Variants in LSM12 observed in about 807,000 individuals in gnomAD.
The protein encoded by LSM12 is protein LSM12.
For synonymous variants in LSM12, 74 were observed against 87.3 expected, an observed-to-expected ratio of 0.85 and a Z score of 0.85; for missense variants, 108 against 238.9, an observed-to-expected ratio of 0.45 and a Z score of 3.61.
intron 4 of LSM12, 103 bp downstream of exon 4, chr17:44,037,309 G>T: frequency 7.4e-7 from 1 of 1,348,604 alleles, no homozygotes; most frequent in South Asian, 1.6e-5. Flanking sequence ...TCTGCTGCTA[G>T]AGGAGGCAGA....
chr17:44,049,931 G>A (rs2049620498), intron 2 of LSM12, among the ~76,000 whole-genome samples: 1 of 152,138 alleles, frequency 6.6e-6, no homozygotes, highest in African/African-American at 2.4e-5. Flanking sequence ...CCCTCACAGA[G>A]GGCTTAGGAA....
At chr17:44,055,156 A>AT (rs1338305615) in intron 2 of LSM12, among the ~76,000 whole-genome samples, 2 of 151,942 alleles carry the variant, frequency 1.3e-5, no homozygotes, top group East Asian at 1.9e-4. Flanking sequence ...AGCCAGAAAC[A>AT]TTTTTTAACT....
intron 2 of LSM12, among the ~76,000 whole-genome samples, chr17:44,058,091 G>T (rs894126844): frequency 1.3e-5 from 2 of 151,778 alleles, no homozygotes; most frequent in African/African-American, 4.8e-5. Context: ...AAAAAAATTA[G>T]CTGGGCGTGG....
chr17:44,039,543 G>T (rs897759102), intron 3 of LSM12, among the ~76,000 whole-genome samples: 1 of 150,482 alleles, frequency 6.6e-6, no homozygotes, highest in Non-Finnish European at 1.5e-5. Flanking sequence ...CACCGCGCCC[G>T]GCTAATTTTT....
intron 3 of LSM12, 50 bp downstream of exon 3, chr17:44,040,097 A>AACC: frequency 7.1e-7 from 1 of 1,414,842 alleles, no homozygotes; most frequent in African/African-American, 1.4e-5. Flanking sequence ...CAGACAGCAC[A>AACC]ACCAGGTAGC....
rs975353470 is a variant in LSM12 at position 44,066,616 on chromosome 17, G to A, written c.-29C>T. ...GGGAGTGCAGCCGCGGCCGGCGGCG[G>A]CGGCGGCAGCAGCGGGCGAAAGCCG... On this transcript the variant is annotated 5_prime_UTR_variant, in exon 1 of 5. Transcript: ENST00000293406. 6 of 1,323,214 alleles carry A rather than the reference G, an allele frequency of 4.5e-6. No homozygotes were observed. The highest frequency in any genetic ancestry group is 5.8e-6 in the Non-Finnish European group (6 of 1,033,100). The allele number at this position is 1,323,214 out of a possible 1,614,324, so 82.0% of individuals were successfully genotyped here.
chr17:44,044,910 T>G (rs2049541132), intron 2 of LSM12, among the ~76,000 whole-genome samples: 1 of 152,200 alleles, frequency 6.6e-6, no homozygotes, highest in African/African-American at 2.4e-5. Context: ...TATTCCAAGT[T>G]AGTAAGTTTA....
chr17:44,052,364 G>A (rs923351220), intron 2 of LSM12, among the ~76,000 whole-genome samples: 2 of 151,922 alleles, frequency 1.3e-5, no homozygotes, highest in Non-Finnish European at 2.9e-5. Flanking sequence ...TGCACCTGTA[G>A]TCTCAGCTAC....
chr17:44,054,603 C>G (rs1024526867), intron 2 of LSM12, among the ~76,000 whole-genome samples: 1 of 151,506 alleles, frequency 6.6e-6, no homozygotes, highest in African/African-American at 2.4e-5. Context: ...ACCACACCCA[C>G]CAAGTCGGTG....
chr17:44,067,129 G>A (rs991549011), upstream of LSM12, among the ~76,000 whole-genome samples: 1 of 152,070 alleles, frequency 6.6e-6, no homozygotes, highest in South Asian at 2.1e-4. Flanking sequence ...GTGAAACCCC[G>A]TCTCTACTAA....
chr17:44,051,028 CT>C (rs2049636344), intron 2 of LSM12, among the ~76,000 whole-genome samples: 2 of 152,072 alleles, frequency 1.3e-5, no homozygotes, highest in African/African-American at 2.4e-5. Context: ...AATCCCAACA[CT>C]TTGGGAGGCT....
intron 2 of LSM12, among the ~76,000 whole-genome samples, chr17:44,056,750 C>A (rs1397891955): frequency 6.6e-6 from 1 of 151,998 alleles, no homozygotes; most frequent in Admixed American, 6.6e-5. Context: ...GTAATCCCAG[C>A]ACTTTGGGAG....
intron 2 of LSM12, among the ~76,000 whole-genome samples, chr17:44,057,959 G>A (rs767549198): frequency 3.2e-4 from 47 of 146,712 alleles, no homozygotes; most frequent in African/African-American, 1.1e-3. Context: ...AATCTGGGCC[G>A]GGCACAGTGG....
rs1174765639 is a variant in LSM12, at chr17:44,041,284, A to C, written c.259-1028T>G. Among the ~76,000 whole-genome samples the C allele has an allele frequency of 4.7e-3, 580 of 123,156 alleles. 2 individuals are homozygous for C. Among genetic ancestry groups the C allele is most frequent in the African/African-American group, 8.8e-3 (297 of 33,860 alleles). The allele number at this position is 123,156 out of a possible 152,430, so 80.8% of individuals were successfully genotyped here. On this transcript the variant is annotated intron_variant, in intron 2 of 4. Coordinates refer to ENST00000293406, the MANE Select transcript of LSM12 (RefSeq NM_001371445.1). ...AGACTCTGTCTCTTTAAAAAAAAAA[A>C]AAACAAACACACACACACACACACA...
rs564993604 is a variant in LSM12 at position 44,059,102 on chromosome 17, G to A, written c.258+4699C>T. Among the ~76,000 whole-genome samples, 416 of 152,218 alleles carry A rather than the reference G, an allele frequency of 2.7e-3. 5 individuals are homozygous for A. Among genetic ancestry groups the A allele is most frequent in the African/African-American group, 9.3e-3 (385 of 41,516 alleles). ...ACTTGAGGCTATGAGCCAGGAGTTCGAAGCTGCAGTGAGTTATGATCATGC... is the reference window on the plus strand; with the variant it reads ...ACTTGAGGCTATGAGCCAGGAGTTCAAAGCTGCAGTGAGTTATGATCATGC... On this transcript the variant is annotated intron_variant, in intron 2 of 4. Transcript: ENST00000293406.
At chr17:44,036,626 G>A (rs2049418402) in intron 4 of LSM12, among the ~76,000 whole-genome samples, 1 of 152,092 alleles carries the variant, frequency 6.6e-6, no homozygotes, top group Admixed American at 6.6e-5. Flanking sequence ...AAGCTGCTGG[G>A]GGAATTACAG....
intron 2 of LSM12, among the ~76,000 whole-genome samples, chr17:44,049,291 T>TTTA (rs1450883113): frequency 6.6e-6 from 1 of 152,152 alleles, no homozygotes; most frequent in Non-Finnish European, 1.5e-5. Flanking sequence ...TTGTTTTTGT[T>TTTA]TTTAAGAGAC....
intron 3 of LSM12, among the ~76,000 whole-genome samples, chr17:44,038,574 G>C (rs2049446337): frequency 6.6e-6 from 1 of 152,144 alleles, no homozygotes; most frequent in Admixed American, 6.5e-5. Context: ...AGAATCGCTT[G>C]AACCTGGGAG....
chr17:44,040,819 C>CAAA (rs1180250412), intron 2 of LSM12, among the ~76,000 whole-genome samples: 1,913 of 119,648 alleles, frequency 0.016, 19 homozygotes, highest in Admixed American at 0.026. Context: ...ACTAAAAATA[C>CAAA]AAAAAAAAAA....
Sources: allele counts gnomAD v4.1 joint callset (sites outside exome capture counted in the v4.1 genomes callset), GRCh38; gene constraint gnomAD v4.1.1; transcripts MANE v1.5; gene names NCBI Gene and HGNC (gene_info 2026-07-23, HGNC 2026-07-21).